UGT1A9: variants seen among roughly 807,000 people sequenced by gnomAD.
UGT1A9 encodes the protein UDP glucuronosyltransferase family 1 member A9.
A neutral mutation model predicts 45.0 loss-of-function variants in UGT1A9; 35 were observed. That is an observed-to-expected ratio of 0.78 (90% CI 0.59 to 1.03). The LOEUF is 1.03. UGT1A9 is among the 50% of genes least tolerant of loss of function. UGT1A9 has a pLI of 0.00. For synonymous variants in UGT1A9, 278 were observed against 250.6 expected, an observed-to-expected ratio of 1.11 and a Z score of -1.03; for missense variants, 687 against 666.6, an observed-to-expected ratio of 1.03 and a Z score of -0.34.
chr2:233,744,894 A>G (rs1692956902), intron 1 of UGT1A9, among the ~76,000 whole-genome samples: 1 of 151,908 alleles, frequency 6.6e-6, no homozygotes, highest in Non-Finnish European at 1.5e-5. Flanking sequence ...CCTCCTCTCC[A>G]TACCAAAATC....
intron 1 of UGT1A9, chr2:233,690,463 C>T (rs2074991463): frequency 7.8e-7 from 1 of 1,288,912 alleles, no homozygotes; most frequent in Non-Finnish European, 1.0e-6. Context: ...TGCCAGCTAT[C>T]CTCCATTTAC....
chr2:233,710,028 T>G (rs1217910588), intron 1 of UGT1A9, among the ~76,000 whole-genome samples: 1 of 152,260 alleles, frequency 6.6e-6, no homozygotes, highest in Non-Finnish European at 1.5e-5. Flanking sequence ...ACAGGTATAC[T>G]GTTTTGTGTC....
chr2:233,712,741 A>G (rs2076251056), intron 1 of UGT1A9, among the ~76,000 whole-genome samples: 1 of 149,412 alleles, frequency 6.7e-6, no homozygotes. Context: ...TTGAACTTGG[A>G]TGTTCCCCAG....
At chr2:233,728,043 T>A (rs116287140) in intron 1 of UGT1A9, among the ~76,000 whole-genome samples, 14 of 152,218 alleles carry the variant, frequency 9.2e-5, no homozygotes, top group African/African-American at 3.1e-4. Context: ...AGGATAAGCC[T>A]CATTGGGCTT....
At chr2:233,705,174 G>A (rs1273957812) in intron 1 of UGT1A9, among the ~76,000 whole-genome samples, 1 of 151,752 alleles carries the variant, frequency 6.6e-6, no homozygotes, top group African/African-American at 2.4e-5. Flanking sequence ...GAATAAAGGG[G>A]AAGTATGCAT....
intron 1 of UGT1A9, among the ~76,000 whole-genome samples, chr2:233,738,509 G>A (rs533932753): frequency 1.3e-5 from 2 of 152,322 alleles, no homozygotes; most frequent in African/African-American, 4.8e-5. Context: ...CCAAAATGCT[G>A]ATAATGTTGT....
intron 1 of UGT1A9, chr2:233,719,255 C>T (rs1240913089): frequency 2.5e-6 from 4 of 1,614,024 alleles, no homozygotes; most frequent in Non-Finnish European, 3.4e-6. Flanking sequence ...ATGCTACTTC[C>T]TTTGATGTGG....
chr2:233,682,738 C>T, intron 1 of UGT1A9: 1 of 1,613,880 alleles, frequency 6.2e-7, no homozygotes, highest in Non-Finnish European at 8.5e-7. Context: ...CCGTGATGCC[C>T]AATATGATCT....
chr2:233,672,710 T>G lies in UGT1A9; in HGVS notation c.776T>G (p.Leu259Trp). ...TGGTTGTTGCGAACGGACTTTGTTT[T>G]GGACTATCCCAAACCCGTGATGCCC... ...SIWLLRTDFV[L>W]DYPKPVMPNM... is the part of the protein sequence containing the mutation. The change falls in exon 1 of 5, where the codon TTG becomes TGG. Residue 259 changes from leucine (L) to tryptophan (W), a missense_variant. By Grantham distance (61) the Leu-to-Trp change is moderately conservative (BLOSUM62 -2). Coordinates refer to ENST00000354728, the MANE Select transcript of UGT1A9 (RefSeq NM_021027.3). 2 of 1,613,972 alleles carry G rather than the reference T, an allele frequency of 1.2e-6. No homozygotes were observed. The highest frequency in any genetic ancestry group is 1.7e-6 in the Non-Finnish European group (2 of 1,179,846).
At position 233,743,134 on chromosome 2, in the gene UGT1A9, TA is replaced by T. The variant is rs919324462; in HGVS notation, c.856-23893del. 39 of 357,156 alleles carry T rather than the reference TA, an allele frequency of 1.1e-4. 1 individual carries two copies. The highest frequency in any genetic ancestry group is 8.0e-4 in the African/African-American group (37 of 46,406). 22.1% of individuals were successfully genotyped at this position (357,156 alleles called of 1,614,324 possible). Reference sequence around the variant, plus strand: ...TGAAAGTAAAGTTCACTTTCAATCCTAAAAAAAGTCCGCTATTCCTCCAGAT... The same window carrying T: ...TGAAAGTAAAGTTCACTTTCAATCCTAAAAAAGTCCGCTATTCCTCCAGAT... On this transcript the variant is annotated intron_variant, in intron 1 of 4. Coordinates refer to ENST00000354728, the MANE Select transcript of UGT1A9 (RefSeq NM_021027.3).
rs567983047 is a variant in UGT1A9, at chr2:233,769,352, G to A, written c.1295+913G>A. On this transcript the variant is annotated intron_variant, in intron 4 of 4. Transcript: ENST00000354728. This position sits in a 1 kb window ranked among gnomAD's most constrained non-coding sequence, Gnocchi z 4.4. The stretch of plus-strand genomic sequence containing the variant: ...GCTTATTAGAACCTTATGGGAAGAA[G>A]TGGTGGCCAGTGGTAGATTTCATCC... 6.6e-6 allele frequency among the ~76,000 whole-genome samples: 1 copy of A among 152,372 alleles called. No homozygotes were observed. Among genetic ancestry groups the A allele is most frequent in the East Asian group, 1.9e-4 (1 of 5,194 alleles).
chr2:233,696,740 AGTATGAT>A (rs1292795336), intron 1 of UGT1A9, among the ~76,000 whole-genome samples: 1 of 152,134 alleles, frequency 6.6e-6, no homozygotes, highest in African/African-American at 2.4e-5. Context: ...TACCCTTTTC[AGTATGAT>A]GTTAGCTGTG....
At position 233,772,830 on chromosome 2, in the gene UGT1A9, T is replaced by G; in HGVS notation, c.*271T>G. ...CAGAGGACGTGCAGACAGGCTGGCA[T>G]TCTAGATTACTTTTCTTACTCTGAA... On this transcript the variant is annotated 3_prime_UTR_variant, in exon 5 of 5. Transcript: ENST00000354728. 8.7e-6 allele frequency: 8 copies of G among 916,310 alleles called. No homozygotes were observed. Among genetic ancestry groups the G allele is most frequent in the Non-Finnish European group, 1.2e-5 (8 of 660,510 alleles). 56.8% of individuals were successfully genotyped at this position (916,310 alleles called of 1,614,324 possible).
At chr2:233,726,664 T>G (rs2077549930) in intron 1 of UGT1A9, among the ~76,000 whole-genome samples, 1 of 152,168 alleles carries the variant, frequency 6.6e-6, no homozygotes, top group South Asian at 2.1e-4. Flanking sequence ...TTTAATCATA[T>G]CTGTGAAGTC....
intron 1 of UGT1A9, chr2:233,729,497 A>G (rs1450342762): frequency 6.8e-6 from 11 of 1,614,114 alleles, no homozygotes; most frequent in Non-Finnish European, 8.5e-6. Flanking sequence ...TCTTTGGTCT[A>G]TCATAGGTCT....
chr2:233,715,554 T>C (rs952173326), intron 1 of UGT1A9, among the ~76,000 whole-genome samples: 2 of 152,138 alleles, frequency 1.3e-5, no homozygotes, highest in African/African-American at 2.4e-5. Context: ...GGAGGATTGC[T>C]TGAGCCCAGG....
At chr2:233,703,003 G>T (rs1384511642) in intron 1 of UGT1A9, among the ~76,000 whole-genome samples, 1 of 152,110 alleles carries the variant, frequency 6.6e-6, no homozygotes, top group Non-Finnish European at 1.5e-5. Flanking sequence ...CTATTTTTTG[G>T]GAACAGTCTG....
At chr2:233,732,938 A>G (rs2078338826) in intron 1 of UGT1A9, among the ~76,000 whole-genome samples, 1 of 152,098 alleles carries the variant, frequency 6.6e-6, no homozygotes, top group South Asian at 2.1e-4. Flanking sequence ...CTTCCTATCC[A>G]TGAGCATGGA....
intron 1 of UGT1A9, chr2:233,747,772 G>C (rs1693773071): frequency 6.2e-7 from 1 of 1,613,364 alleles, no homozygotes; most frequent in Non-Finnish European, 8.5e-7. Context: ...GGCACACAGT[G>C]TCCAAATCCT....
Sources: gnomAD v4.1 joint callset for allele counts (sites outside exome capture counted in the v4.1 genomes callset) on GRCh38, gnomAD v4.1.1 for gene constraint, Gnocchi (gnomAD v3.1) non-coding constraint, MANE v1.5 for transcripts, NCBI Gene and HGNC (gene_info 2026-07-23, HGNC 2026-07-21) for gene names.